Variants in USP54 observed in about 807,000 individuals in gnomAD.
USP54 encodes ubiquitin specific peptidase 54.
A neutral mutation model predicts 170.5 loss-of-function variants in USP54; 87 were observed. That is an observed-to-expected ratio of 0.51 (90% CI 0.43 to 0.61). The LOEUF is 0.61. Among genes scored for constraint, USP54 ranks in the 20% least tolerant of loss-of-function variants. The pLI, the probability that USP54 is intolerant of heterozygous loss-of-function variation, is 0.00. For synonymous variants in USP54, 655 were observed against 742.8 expected, an observed-to-expected ratio of 0.88 and a Z score of 1.92; for missense variants, 1,786 against 2,047.8, an observed-to-expected ratio of 0.87 and a Z score of 2.47.
intron 15 of USP54, 180 bp downstream of exon 15, chr10:73,529,500 C>T (rs2063584196): frequency 1.4e-6 from 1 of 714,184 alleles, no homozygotes; most frequent in Non-Finnish European, 2.5e-6. Flanking sequence ...GTTCTCTCTC[C>T]TTTCTCAAGT....
intron 1 of USP54, among the ~76,000 whole-genome samples, chr10:73,608,587 G>A (rs1342039260): frequency 6.6e-6 from 1 of 152,150 alleles, no homozygotes; most frequent in Non-Finnish European, 1.5e-5. Flanking sequence ...GATAAGGGAA[G>A]TGAGGTTCAA....
intron 9 of USP54, 93 bp from the exon 10 acceptor site, chr10:73,539,686 G>T: frequency 7.5e-7 from 1 of 1,332,930 alleles, no homozygotes; most frequent in Non-Finnish European, 1.0e-6. Context: ...CTTAAGTAAG[G>T]TACTGACTTG....
At chr10:73,519,708 C>T (rs146479354) in intron 19 of USP54, 89 bp downstream of exon 19, 65 of 1,569,248 alleles carry the variant, frequency 4.1e-5, no homozygotes, top group Admixed American at 1.7e-4. Context: ...CCCCTTCAGT[C>T]GCCAAGACAA....
rs1564654671 is a variant in USP54, at chr10:73,516,740, T to C, written c.3686A>G (p.Glu1229Gly). The part of the protein sequence containing the change: ...TSSGGQPRLA[E>G]PDIYQEKLSQ... Reference sequence around the variant, plus strand: ...CAGCTTCTCTTGGTATATGTCTGGCTCTGCCAACCTGGGCTGTCCTCCGCT... The same window carrying C: ...CAGCTTCTCTTGGTATATGTCTGGCCCTGCCAACCTGGGCTGTCCTCCGCT... The change falls in exon 20 of 24, where the codon GAG becomes GGG. Residue 1229 changes from glutamate to glycine, a missense_variant. This residue lies in a region of USP54 where 1,418 missense variants were observed against 1,569.0 expected (regional missense o/e 0.90). Coordinates refer to ENST00000687698, the MANE Select transcript of USP54 (RefSeq NM_001391956.1). 6.2e-7 allele frequency: 1 copy of C among 1,614,182 alleles called. No homozygotes were observed. The highest frequency in any genetic ancestry group is 8.5e-7 in the Non-Finnish European group (1 of 1,180,028).
Position 73,520,775 on chromosome 10 carries a change from C to T in USP54, c.2482+133G>A, listed in dbSNP as rs905221430. Reference sequence around the variant, plus strand: ...GAAATCAAAGGGCAAAAACAGCTAACGCGACTCAGTTTGGGAGAGCAAGAG... The same window carrying T: ...GAAATCAAAGGGCAAAAACAGCTAATGCGACTCAGTTTGGGAGAGCAAGAG... On this transcript the variant is annotated intron_variant, in intron 18 of 23. Transcript: ENST00000687698. 22 of 1,285,342 alleles carry T rather than the reference C, an allele frequency of 1.7e-5. No homozygotes were observed. The Admixed American group carries it at 2.0e-4, about 12-fold the overall frequency. The allele number at this position is 1,285,342 out of a possible 1,614,324, so 79.6% of individuals were successfully genotyped here.
intron 1 of USP54, among the ~76,000 whole-genome samples, chr10:73,609,453 T>C (rs1449356384): frequency 6.6e-6 from 1 of 152,234 alleles, no homozygotes; most frequent in East Asian, 1.9e-4. Flanking sequence ...GGCTCTCGCC[T>C]GTAATCCCAG....
In USP54 at chr10:73,497,859, C is replaced by A. The variant is rs760665196; in HGVS notation, c.*770G>T. 3 of 152,168 alleles carry A rather than the reference C, an allele frequency of 2.0e-5. No individual in the cohort carries two copies. Among genetic ancestry groups the A allele is most frequent in the African/African-American group, 4.8e-5 (2 of 41,382 alleles). 9.4% of individuals were successfully genotyped at this position (152,168 alleles called of 1,614,324 possible). A position where few individuals can be genotyped will look rare whatever the true frequency, so the allele number is the denominator to read the frequency against. ...CATGACCACAGGGCTACATGTCCCC[C>A]CAAGGATGGGAGACAGGGAAGACAA... On this transcript the variant is annotated 3_prime_UTR_variant, in exon 24 of 24. Transcript: ENST00000687698.
chr10:73,564,624 T>C (rs994142885), intron 4 of USP54, among the ~76,000 whole-genome samples: 3 of 152,328 alleles, frequency 2.0e-5, no homozygotes, highest in East Asian at 1.9e-4. Flanking sequence ...AGGATCACCA[T>C]AGGACTACAG....
At chr10:73,505,127 A>G (rs2058877898) in intron 21 of USP54, 137 bp from the exon 22 acceptor site, 1 of 1,341,436 alleles carries the variant, frequency 7.5e-7, no homozygotes, top group Non-Finnish European at 1.0e-6. Context: ...TGTATTGGTA[A>G]GATAGTGGCC....
At chr10:73,503,138 C>T (rs576939972) in intron 22 of USP54, among the ~76,000 whole-genome samples, 1 of 152,274 alleles carries the variant, frequency 6.6e-6, no homozygotes, top group Non-Finnish European at 1.5e-5. Context: ...CATCATCTCC[C>T]CTTGCCAGAC....
At chr10:73,613,115 C>T (rs990305314) in intron 1 of USP54, among the ~76,000 whole-genome samples, 1 of 149,350 alleles carries the variant, frequency 6.7e-6, no homozygotes, top group African/African-American at 2.5e-5. Flanking sequence ...GGTGACCGTG[C>T]TACTGCATTC....
chr10:73,600,712 G>C (rs1003405851), intron 1 of USP54, among the ~76,000 whole-genome samples: 7 of 152,272 alleles, frequency 4.6e-5, no homozygotes, highest in African/African-American at 1.4e-4. Context: ...TTAAGAGTTC[G>C]AGACCAGCCT....
At chr10:73,598,289 A>G (rs989096822) in intron 1 of USP54, among the ~76,000 whole-genome samples, 2 of 152,194 alleles carry the variant, frequency 1.3e-5, no homozygotes, top group Non-Finnish European at 2.9e-5. Context: ...CCCATATGCA[A>G]GAGAAAAAGT....
chr10:73,528,704 G>A (rs939876987), intron 15 of USP54, among the ~76,000 whole-genome samples: 3 of 152,024 alleles, frequency 2.0e-5, no homozygotes, highest in African/African-American at 7.2e-5. Flanking sequence ...CAAGTAATTG[G>A]GATTACAGAC....
At chr10:73,502,900 G>A (rs551848572) in intron 22 of USP54, among the ~76,000 whole-genome samples, 1 of 152,142 alleles carries the variant, frequency 6.6e-6, no homozygotes, top group African/African-American at 2.4e-5. Context: ...ATGTAAAACT[G>A]AATGCATATC....
chr10:73,550,326 T>C (rs1297749735), intron 4 of USP54, among the ~76,000 whole-genome samples: 1 of 152,198 alleles, frequency 6.6e-6, no homozygotes, highest in Non-Finnish European at 1.5e-5. Context: ...TGGATCATTC[T>C]TCCTCTAGAT....
At chr10:73,500,326 C>T (rs2057833852) in intron 23 of USP54, among the ~76,000 whole-genome samples, 1 of 152,176 alleles carries the variant, frequency 6.6e-6, no homozygotes, top group East Asian at 1.9e-4. Context: ...GGAGAGATGA[C>T]CATTTCTGTT....
At chr10:73,552,179 T>A (rs914190411) in intron 4 of USP54, among the ~76,000 whole-genome samples, 3 of 152,330 alleles carry the variant, frequency 2.0e-5, no homozygotes, top group African/African-American at 7.2e-5. Context: ...GGCTTCAGTT[T>A]CTCTTTTAAA....
chr10:73,576,614 A>C (rs2076148101), intron 1 of USP54, among the ~76,000 whole-genome samples: 1 of 152,248 alleles, frequency 6.6e-6, no homozygotes, highest in Admixed American at 6.5e-5. Context: ...AAGCAGAAGA[A>C]AGTTGATCTG....
Sources: allele counts gnomAD v4.1 joint callset (sites outside exome capture counted in the v4.1 genomes callset), GRCh38; gene constraint gnomAD v4.1.1; regional missense constraint gnomAD v4.1.1; transcripts MANE v1.5; gene names NCBI Gene and HGNC (gene_info 2026-07-23, HGNC 2026-07-21).